The following SND1 variants were observed in gnomAD, a reference collection of about 807,000 sequenced individuals.
SND1 encodes staphylococcal nuclease domain-containing protein 1.
In SND1, 38 loss-of-function variants were observed where a neutral mutation model predicts 121.7. That is an observed-to-expected ratio of 0.31 (90% confidence interval 0.24 to 0.41). The LOEUF is 0.41. SND1 is among the 10% of genes least tolerant of loss of function. The pLI, the probability that SND1 is intolerant of heterozygous loss-of-function variation, is 1.00. For synonymous variants in SND1, 401 were observed against 447.4 expected (o/e 0.90, Z 1.31); for missense variants, 868 against 1,184.6 (o/e 0.73, Z 3.92).
At chr7:127,701,078 G>T in intron 4 of SND1, 85 bp from the exon 5 acceptor site, 1 of 1,438,426 alleles carries the variant, frequency 7.0e-7, no homozygotes, top group Non-Finnish European at 9.6e-7. Flanking sequence ...AAGGGGTGAA[G>T]ATGCTGAAGA....
chr7:127,669,406 T>C (rs1027146193), intron 1 of SND1, among the ~76,000 whole-genome samples: 1 of 152,248 alleles, frequency 6.6e-6, no homozygotes, highest in Non-Finnish European at 1.5e-5. Context: ...TCAAGCCTAC[T>C]CTGTTCTCAA....
At chr7:127,665,174 G>A (rs951975158) in intron 1 of SND1, among the ~76,000 whole-genome samples, 2 of 151,572 alleles carry the variant, frequency 1.3e-5, no homozygotes, top group African/African-American at 4.8e-5. Context: ...TTTGGAAATC[G>A]TTTTGACAGT....
chr7:127,784,019 G>A (rs1017509935), intron 10 of SND1, among the ~76,000 whole-genome samples: 2 of 152,174 alleles, frequency 1.3e-5, no homozygotes, highest in African/African-American at 4.8e-5. Context: ...AGAAAACGAA[G>A]TGAACAGGAA....
At chr7:127,923,966 G>A (rs891844005) in intron 14 of SND1, among the ~76,000 whole-genome samples, 1 of 149,412 alleles carries the variant, frequency 6.7e-6, no homozygotes, top group Non-Finnish European at 1.5e-5. Context: ...TATCCTTAAC[G>A]ATTCGTTCTG....
At chr7:127,858,895 T>C (rs189887568) in intron 12 of SND1, among the ~76,000 whole-genome samples, 259 of 152,352 alleles carry the variant, frequency 1.7e-3, no homozygotes, top group African/African-American at 5.9e-3. Context: ...ATGATGGTCG[T>C]CTAGAATCTA....
chr7:127,653,255 A>G (rs1222447938), intron 1 of SND1, among the ~76,000 whole-genome samples: 1 of 152,180 alleles, frequency 6.6e-6, no homozygotes, highest in Admixed American at 6.5e-5. Context: ...GTTTATTTTT[A>G]CAATTTACTC....
chr7:127,749,043 GTTTTTTTTT>G (rs5887354), intron 10 of SND1, among the ~76,000 whole-genome samples: 1 of 116,514 alleles, frequency 8.6e-6, no homozygotes, highest in Admixed American at 9.8e-5. Context: ...TTTTTCTTTC[GTTTTTTTTT>G]TTTTTTTTTT....
intron 16 of SND1, among the ~76,000 whole-genome samples, chr7:128,055,277 A>G (rs537463357): frequency 3.9e-5 from 6 of 152,156 alleles, no homozygotes; most frequent in Non-Finnish European, 8.8e-5. Context: ...CTGTAGGACC[A>G]TGGGTTCCCA....
intron 16 of SND1, among the ~76,000 whole-genome samples, chr7:128,025,501 A>G (rs1355239316): frequency 6.6e-6 from 1 of 152,196 alleles, no homozygotes; most frequent in African/African-American, 2.4e-5. Context: ...GAGTCTTTAC[A>G]TCCAACGTGT....
At chr7:127,786,674 C>T (rs1424417638) in intron 10 of SND1, among the ~76,000 whole-genome samples, 1 of 152,044 alleles carries the variant, frequency 6.6e-6, no homozygotes, top group East Asian at 1.9e-4. Context: ...GACGGAGTTT[C>T]GCTCTGTCGC....
Position 128,081,029 on chromosome 7 carries a change from C to A in SND1, c.1969-331C>A, listed in dbSNP as rs762846862. ...TCTTCTTTTTTGAGACGGAGTCTTG[C>A]ACTGTCGCCCAGGCTGGAGTGCAGT... is the stretch of plus-strand genomic sequence containing the variant. On this transcript the variant is annotated intron_variant, in intron 17 of 23. Coordinates refer to ENST00000354725, the MANE Select transcript of SND1 (RefSeq NM_014390.4). Among the ~76,000 whole-genome samples the A allele has an allele frequency of 2.3e-4, 35 of 151,962 alleles. No individual in the cohort carries two copies. In the Middle Eastern group the frequency reaches 0.01, roughly 44 times the overall value.
rs1176832876 is a variant in SND1, at chr7:128,084,731, G to T, written c.2118G>T (p.Gln706His). ...FYVQDVETGTQLEKLMENMRN... is the reference protein window; with the variant it reads ...FYVQDVETGTHLEKLMENMRN... ...GCTCTTCCTCCCTGGCAGGCACCCA[G>T]TTGGAGAAGCTGATGGAGAACATGC... The change falls in exon 19 of 24, where the codon CAG becomes CAT. Residue 706 changes from glutamine to histidine, a missense_variant. Around this residue, in one of 2 missense-constraint regions of SND1, gnomAD observed 743 missense variants for 1,071.3 expected, o/e 0.69. Coordinates refer to ENST00000354725, the MANE Select transcript of SND1 (RefSeq NM_014390.4). 3 of 1,606,250 alleles carry T rather than the reference G, an allele frequency of 1.9e-6. No individual in the cohort carries two copies. Among genetic ancestry groups the T allele is most frequent in the Non-Finnish European group, 2.6e-6 (3 of 1,175,172 alleles).
In SND1 at chr7:128,015,411, G is replaced by A. The variant is rs907565600; in HGVS notation, c.1779+24355G>A. Among the ~76,000 whole-genome samples, 1 of 152,150 alleles carries A rather than the reference G, an allele frequency of 6.6e-6. No individual in the cohort carries two copies. Among genetic ancestry groups the A allele is most frequent in the African/African-American group, 2.4e-5 (1 of 41,436 alleles). On this transcript the variant is annotated intron_variant, in intron 16 of 23. Transcript: ENST00000354725. The surrounding 1 kb of genome is among the most constrained non-coding windows in gnomAD (Gnocchi z 4.5). ...TCAGCGCTAATCTGTTTTTGAAAATGGCCTTAATCCCACCCACTTTGCTCC... is the reference window on the plus strand; with the variant it reads ...TCAGCGCTAATCTGTTTTTGAAAATAGCCTTAATCCCACCCACTTTGCTCC...
chr7:127,781,688 C>T (rs1797726053), intron 10 of SND1, among the ~76,000 whole-genome samples: 1 of 151,998 alleles, frequency 6.6e-6, no homozygotes, highest in Admixed American at 6.6e-5. Flanking sequence ...TTTTTGCTAA[C>T]CTTAGAGCAA....
intron 9 of SND1, among the ~76,000 whole-genome samples, chr7:127,718,971 T>C (rs996629420): frequency 3.3e-5 from 5 of 152,290 alleles, no homozygotes; most frequent in African/African-American, 9.6e-5. Context: ...CTTTGATACA[T>C]CATCTGACAG....
intron 10 of SND1, among the ~76,000 whole-genome samples, chr7:127,730,091 C>T (rs1192437687): frequency 6.6e-6 from 1 of 152,208 alleles, no homozygotes; most frequent in Non-Finnish European, 1.5e-5. Context: ...GTCTCAGCCT[C>T]CCGAGTAGCT....
chr7:127,724,098 C>G (rs1291772332), intron 10 of SND1, among the ~76,000 whole-genome samples: 1 of 152,206 alleles, frequency 6.6e-6, no homozygotes, highest in African/African-American at 2.4e-5. Context: ...TTTACAGATA[C>G]TTATTTTGTG....
At chr7:127,856,861 G>C (rs1251083808) in intron 12 of SND1, among the ~76,000 whole-genome samples, 2 of 151,970 alleles carry the variant, frequency 1.3e-5, no homozygotes, top group Non-Finnish European at 2.9e-5. Context: ...ACACCAAGAA[G>C]CAACTAAACA....
chr7:128,067,423 A>G (rs1256322488), intron 16 of SND1, among the ~76,000 whole-genome samples: 1 of 151,978 alleles, frequency 6.6e-6, no homozygotes, highest in African/African-American at 2.4e-5. Flanking sequence ...GTCTGTGGGG[A>G]CTCTGATGTC....
Sources: allele counts gnomAD v4.1 joint callset (sites outside exome capture counted in the v4.1 genomes callset), GRCh38; gene constraint gnomAD v4.1.1; regional missense constraint gnomAD v4.1.1; non-coding constraint Gnocchi (gnomAD v3.1); transcripts MANE v1.5; gene names NCBI Gene and HGNC (gene_info 2026-07-23, HGNC 2026-07-21).